The following COL4A1 variants were observed in gnomAD, a reference collection of about 807,000 sequenced individuals.
COL4A1 encodes the protein collagen alpha-1(IV) chain.
A neutral mutation model predicts 216.6 loss-of-function variants in COL4A1; 40 were observed. That is an observed-to-expected ratio of 0.18 (90% CI 0.14 to 0.24). The LOEUF (loss-of-function observed/expected upper bound fraction) is 0.24, where lower values mean the gene tolerates loss of function less well. Among genes scored for constraint, COL4A1 ranks in the 10% least tolerant of loss-of-function variants. The pLI is 1.00. For missense variants in COL4A1, 1,628 were observed against 2,196.8 expected (o/e 0.74, Z 5.18); for synonymous variants, 839 against 810.7 (o/e 1.03, Z -0.59).
At chr13:110,225,032 T>A (rs1456023973) in intron 2 of COL4A1, among the ~76,000 whole-genome samples, 1 of 152,222 alleles carries the variant, frequency 6.6e-6, no homozygotes, top group Admixed American at 6.5e-5. Context: ...AACCTTTCTT[T>A]TTTTTTTCCT....
chr13:110,267,061 CT>C (rs1254475536), intron 1 of COL4A1, among the ~76,000 whole-genome samples: 1 of 152,172 alleles, frequency 6.6e-6, no homozygotes, highest in Non-Finnish European at 1.5e-5. Context: ...TGAAGCAAGC[CT>C]TTTTGAGCAG....
At position 110,186,523 on chromosome 13, in the gene COL4A1, G is replaced by C. The variant is rs1258641245; in HGVS notation, c.1759C>G (p.Pro587Ala). ...CCTGGGAATCCAACTCCTCCAGGGG[G>C]GCCACGCTCTCCTTTCAATCCTACA... ...GSVGLKGERG[P>A]PGGVGFPGSR... is the part of the protein sequence containing the mutation. The change falls in exon 26 of 52, where the codon CCC becomes GCC. Residue 587 changes from proline to alanine, a missense_variant. Pro to Ala is a conservative substitution (Grantham distance 27). Around this residue, in one of 8 missense-constraint regions of COL4A1, gnomAD observed 701 missense variants for 892.5 expected, o/e 0.79. Coordinates refer to ENST00000375820, the MANE Select transcript of COL4A1 (RefSeq NM_001845.6). The C allele has an allele frequency of 1.2e-6, 2 of 1,613,834 alleles. No individual in the cohort carries two copies. The highest frequency in any genetic ancestry group is 3.3e-5 in the Admixed American group (2 of 60,002).
chr13:110,161,448 G>T, intron 48 of COL4A1, 79 bp from the exon 49 acceptor site: 1 of 1,458,436 alleles, frequency 6.9e-7, no homozygotes, highest in Non-Finnish European at 9.3e-7. Context: ...ATTTCAGCTG[G>T]ACAACAAGCA....
chr13:110,195,205 T>C, intron 21 of COL4A1, 87 bp from the exon 22 acceptor site: 1 of 1,046,632 alleles, frequency 9.6e-7, no homozygotes. Context: ...ACCAAAATAT[T>C]TTAGGCTATT....
chr13:110,224,261 C>G (rs934096317), intron 2 of COL4A1, among the ~76,000 whole-genome samples: 8 of 152,094 alleles, frequency 5.3e-5, no homozygotes, highest in African/African-American at 1.9e-4. Flanking sequence ...ACTGCAGGAA[C>G]ATAAATAATT....
At chr13:110,302,657 C>A (rs1287976322) in intron 1 of COL4A1, among the ~76,000 whole-genome samples, 1 of 152,218 alleles carries the variant, frequency 6.6e-6, no homozygotes, top group East Asian at 1.9e-4. Flanking sequence ...TCAAAGTCTT[C>A]ACCCCAAAGT....
At chr13:110,265,299 G>C (rs528153253) in intron 1 of COL4A1, 1 of 152,210 alleles carries the variant, frequency 6.6e-6, no homozygotes, top group African/African-American at 2.4e-5. Flanking sequence ...CTAATTCTAC[G>C]AAGGCAATTT....
In COL4A1 at chr13:110,213,764, A is replaced by G; in HGVS notation, c.279+18T>C. 6.2e-7 allele frequency: 1 copy of G among 1,613,578 alleles called. No homozygotes were observed. Among genetic ancestry groups the G allele is most frequent in the Non-Finnish European group, 8.5e-7 (1 of 1,179,464 alleles). ...CCCACGCATGGAATCATCGATTGTG[A>G]GTAGCAACTGTACTCACTCTTGTCC... is the stretch of plus-strand genomic sequence containing the variant. On this transcript the variant is annotated intron_variant, in intron 4 of 51. Coordinates refer to ENST00000375820, the MANE Select transcript of COL4A1 (RefSeq NM_001845.6).
chr13:110,162,485 G>T, intron 47 of COL4A1, 43 bp from the exon 48 acceptor site: 1 of 1,376,542 alleles, frequency 7.3e-7, no homozygotes, highest in Non-Finnish European at 1.0e-6. Flanking sequence ...TTACAAACAC[G>T]CTCCCCTAAA....
At chr13:110,220,575 C>G (rs2139217852) in intron 2 of COL4A1, among the ~76,000 whole-genome samples, 1 of 152,254 alleles carries the variant, frequency 6.6e-6, no homozygotes, top group Middle Eastern at 3.4e-3. Context: ...TTTCAGATAT[C>G]ATGAGAGCTG....
chr13:110,225,718 C>A (rs1037804263), intron 2 of COL4A1, among the ~76,000 whole-genome samples: 12 of 152,164 alleles, frequency 7.9e-5, no homozygotes, highest in African/African-American at 2.9e-4. Flanking sequence ...AAAACAAGCA[C>A]CTGCACTCCG....
At chr13:110,204,413 T>A (rs1879392323) in intron 17 of COL4A1, among the ~76,000 whole-genome samples, 1 of 152,174 alleles carries the variant, frequency 6.6e-6, no homozygotes, top group Admixed American at 6.5e-5. Context: ...AGGATTTTAC[T>A]TCCTCAAAAA....
In COL4A1 at chr13:110,207,606, C is replaced by CATTTTATACA; in HGVS notation, c.694-118_694-117insTGTATAAAAT. 4 of 785,206 alleles carry CATTTTATACA rather than the reference C, an allele frequency of 5.1e-6. No homozygotes were observed. The highest frequency in any genetic ancestry group is 8.6e-6 in the Non-Finnish European group (4 of 466,506). 48.6% of individuals were successfully genotyped at this position (785,206 alleles called of 1,614,324 possible). ...CACCTATTTTTAAAATGTAATTATA[C>CATTTTATACA]TCTATTCTGTTCTAATCATCCTTGC... is the stretch of plus-strand genomic sequence containing the variant. On this transcript the variant is annotated intron_variant, in intron 12 of 51. Transcript: ENST00000375820. This position sits in a 1 kb window ranked among gnomAD's most constrained non-coding sequence, Gnocchi z 4.4.
At chr13:110,167,047 C>A in intron 44 of COL4A1, 111 bp downstream of exon 44, 1 of 868,584 alleles carries the variant, frequency 1.2e-6, no homozygotes. Flanking sequence ...AACAGTATCT[C>A]GTGCTATAAT....
chr13:110,247,304 CAT>C (rs1881861834), intron 1 of COL4A1, among the ~76,000 whole-genome samples: 1 of 152,128 alleles, frequency 6.6e-6, no homozygotes, highest in African/African-American at 2.4e-5. Context: ...CACACGCACA[CAT>C]AACTTCAATA....
intron 18 of COL4A1, among the ~76,000 whole-genome samples, chr13:110,203,037 GC>G (rs1447087986): frequency 6.6e-6 from 1 of 152,014 alleles, no homozygotes; most frequent in African/African-American, 2.4e-5. Flanking sequence ...ACATAGTCAG[GC>G]CCTGTCTCTA....
At chr13:110,300,939 C>T (rs1036044944) in intron 1 of COL4A1, among the ~76,000 whole-genome samples, 1 of 152,166 alleles carries the variant, frequency 6.6e-6, no homozygotes. Flanking sequence ...CCTTAAAGAT[C>T]AAGTGAGCTT....
At chr13:110,229,669 G>C (rs1594604051) in intron 2 of COL4A1, among the ~76,000 whole-genome samples, 1 of 152,182 alleles carries the variant, frequency 6.6e-6, no homozygotes, top group African/African-American at 2.4e-5. Context: ...ACCCCAGAGA[G>C]AGCCCCCGCC....
At chr13:110,220,217 C>T (rs1249514680) in intron 2 of COL4A1, among the ~76,000 whole-genome samples, 5 of 152,128 alleles carry the variant, frequency 3.3e-5, no homozygotes, top group East Asian at 1.9e-4. Flanking sequence ...GAATTACAGG[C>T]GTGAGCTACT....
Sources: gnomAD v4.1 joint callset for allele counts (sites outside exome capture counted in the v4.1 genomes callset) on GRCh38, gnomAD v4.1.1 for gene constraint, gnomAD v4.1.1 regional missense constraint, Gnocchi (gnomAD v3.1) non-coding constraint, MANE v1.5 for transcripts, NCBI Gene and HGNC (gene_info 2026-07-23, HGNC 2026-07-21) for gene names.